The following EXOC4 variants were observed in gnomAD, a reference collection of about 807,000 sequenced individuals.
EXOC4 encodes the protein SEC8-like 1.
In EXOC4, 71 loss-of-function variants were observed where a neutral mutation model predicts 107.2. The observed-to-expected ratio is 0.66, with a 90% CI of 0.55 to 0.81. The LOEUF (loss-of-function observed/expected upper bound fraction) is 0.81, where lower values mean the gene tolerates loss of function less well. EXOC4 is among the 30% of genes least tolerant of loss of function. The pLI, the probability that EXOC4 is intolerant of heterozygous loss-of-function variation, is 0.00. For missense variants in EXOC4, 1,108 were observed against 1,189.6 expected (o/e 0.93, Z 1.01); for synonymous variants, 456 against 441.2 (o/e 1.03, Z -0.42).
intron 10 of EXOC4, among the ~76,000 whole-genome samples, chr7:133,696,806 C>T (rs1475889729): frequency 1.3e-5 from 2 of 152,204 alleles, no homozygotes; most frequent in African/African-American, 4.8e-5. Context: ...ATCAGCCTCT[C>T]CCTTACTATG....
chr7:133,854,752 A>G lies in EXOC4; in HGVS notation c.1734+37208A>G, dbSNP rs941554941. Among the ~76,000 whole-genome samples, 5 of 149,262 alleles carry G rather than the reference A, an allele frequency of 3.3e-5. No individual in the cohort carries two copies. In the South Asian group the frequency reaches 8.5e-4, roughly 25 times the overall value. On this transcript the variant is annotated intron_variant, in intron 11 of 17. Transcript: ENST00000253861. ...TACCTTCAAATAGTCCCTCTTAGCC[A>G]TTTCATCTGCTTGGGTGTATCCTCC...
intron 9 of EXOC4, among the ~76,000 whole-genome samples, chr7:133,490,139 A>AG (rs559682513): frequency 7.0e-4 from 107 of 152,260 alleles, no homozygotes; most frequent in African/African-American, 2.2e-3. Context: ...AACAAGACAG[A>AG]GGGGGCCTGG....
At chr7:133,775,428 C>T (rs111546657) in intron 10 of EXOC4, among the ~76,000 whole-genome samples, 43 of 152,314 alleles carry the variant, frequency 2.8e-4, no homozygotes, top group African/African-American at 8.2e-4. Flanking sequence ...TCTGCGAACA[C>T]GTGACCTTCT....
chr7:133,889,325 C>A (rs995828016), intron 11 of EXOC4, among the ~76,000 whole-genome samples: 2 of 151,214 alleles, frequency 1.3e-5, no homozygotes, highest in Non-Finnish European at 2.9e-5. Flanking sequence ...GGAAGACCAG[C>A]GCTGTGTAAG....
intron 11 of EXOC4, among the ~76,000 whole-genome samples, chr7:133,824,537 G>A (rs1797653147): frequency 6.6e-6 from 1 of 152,136 alleles, no homozygotes; most frequent in Middle Eastern, 3.2e-3. Flanking sequence ...AGCAGCAGAA[G>A]CAGCGTGCAG....
At chr7:133,472,045 T>C (rs886777105) in intron 7 of EXOC4, among the ~76,000 whole-genome samples, 4 of 152,180 alleles carry the variant, frequency 2.6e-5, no homozygotes, top group African/African-American at 9.7e-5. Context: ...GATTAGGCCT[T>C]CTAGAAATGA....
At chr7:133,626,203 T>C (rs1802450802) in intron 9 of EXOC4, among the ~76,000 whole-genome samples, 1 of 147,306 alleles carries the variant, frequency 6.8e-6, no homozygotes, top group Non-Finnish European at 1.5e-5. Flanking sequence ...CAAGACTCCA[T>C]CTCCAAAAAA....
At chr7:133,564,249 A>G (rs1479834279) in intron 9 of EXOC4, among the ~76,000 whole-genome samples, 1 of 152,170 alleles carries the variant, frequency 6.6e-6, no homozygotes, top group Admixed American at 6.5e-5. Flanking sequence ...AGAAGGCGAA[A>G]GGAAAGCAGG....
intron 10 of EXOC4, among the ~76,000 whole-genome samples, chr7:133,661,696 A>AC (rs1562896884): frequency 2.0e-5 from 3 of 149,464 alleles, no homozygotes; most frequent in African/African-American, 2.4e-5. Flanking sequence ...AAACAAAAAA[A>AC]AAAAAAACAA....
intron 14 of EXOC4, among the ~76,000 whole-genome samples, chr7:133,977,176 T>C (rs1563078057): frequency 6.6e-6 from 1 of 152,248 alleles, no homozygotes; most frequent in Non-Finnish European, 1.5e-5. Flanking sequence ...GTGACCTTGC[T>C]AAGAAGTCTG....
chr7:134,080,795 A>T, the EXOC4 span, among the ~76,000 whole-genome samples: 2 of 151,748 alleles, frequency 1.3e-5, no homozygotes, highest in Non-Finnish European at 2.9e-5. Flanking sequence ...TATATATAAA[A>T]ATTAGCCAGG....
At chr7:133,263,033 C>G (rs1795188360) in intron 1 of EXOC4, among the ~76,000 whole-genome samples, 1 of 152,170 alleles carries the variant, frequency 6.6e-6, no homozygotes, top group East Asian at 1.9e-4. Flanking sequence ...CCTGCACAAG[C>G]TCTCTCTTGC....
chr7:133,664,865 T>A (rs1162141720), intron 10 of EXOC4, among the ~76,000 whole-genome samples: 1 of 151,164 alleles, frequency 6.6e-6, no homozygotes, highest in African/African-American at 2.4e-5. Flanking sequence ...AAAAAAAAAG[T>A]CTCATCCAAA....
chr7:133,798,478 CATA>C (rs1256854144), intron 10 of EXOC4, among the ~76,000 whole-genome samples: 1 of 148,088 alleles, frequency 6.8e-6, no homozygotes, highest in Middle Eastern at 3.2e-3. Context: ...TTACCTGCCA[CATA>C]ATGAGTGCTA....
intron 10 of EXOC4, among the ~76,000 whole-genome samples, chr7:133,653,980 A>G (rs1242874084): frequency 3.3e-5 from 5 of 152,200 alleles, no homozygotes; most frequent in Non-Finnish European, 7.3e-5. Context: ...TAGTCGGGAA[A>G]GGTAGGGATA....
At position 133,905,920 on chromosome 7, in the gene EXOC4, T is replaced by C. The variant is rs570191085; in HGVS notation, c.1871+10185T>C. Among the ~76,000 whole-genome samples the C allele has an allele frequency of 6.9e-4, 105 of 152,118 alleles. 1 individual carries two copies. The highest frequency in any genetic ancestry group is 2.3e-3 in the African/African-American group (95 of 41,512). ...AGCTTGTTGACCCTCGGTATGCTCATTGAGGAAATTTCTACCAGACTGAAC... is the reference window on the plus strand; with the variant it reads ...AGCTTGTTGACCCTCGGTATGCTCACTGAGGAAATTTCTACCAGACTGAAC... On this transcript the variant is annotated intron_variant, in intron 12 of 17. Transcript: ENST00000253861.
intron 7 of EXOC4, among the ~76,000 whole-genome samples, chr7:133,462,083 C>A (rs969020088): frequency 3.9e-5 from 6 of 152,070 alleles, no homozygotes; most frequent in African/African-American, 1.4e-4. Flanking sequence ...TTAATATGAA[C>A]AAATATATTT....
chr7:133,278,783 T>C (rs1743559485), intron 2 of EXOC4, among the ~76,000 whole-genome samples: 1 of 152,188 alleles, frequency 6.6e-6, no homozygotes, highest in Admixed American at 6.5e-5. Context: ...ATTGTAATGC[T>C]TTGAGCACAG....
intron 11 of EXOC4, among the ~76,000 whole-genome samples, chr7:133,843,165 A>G (rs1798056009): frequency 6.6e-6 from 1 of 152,044 alleles, no homozygotes; most frequent in Non-Finnish European, 1.5e-5. Flanking sequence ...TTTTGGTTTC[A>G]TATGAATTTT....
Sources: allele counts gnomAD v4.1 joint callset (sites outside exome capture counted in the v4.1 genomes callset), GRCh38; gene constraint gnomAD v4.1.1; transcripts MANE v1.5; gene names NCBI Gene and HGNC (gene_info 2026-07-23, HGNC 2026-07-21).